The following ATP8B1 variants were observed in gnomAD, a reference collection of about 807,000 sequenced individuals.
ATP8B1 encodes phospholipid-transporting ATPase IC.
A neutral mutation model predicts 149.9 loss-of-function variants in ATP8B1; 80 were observed. The observed-to-expected ratio is 0.53, with a 90% CI of 0.45 to 0.64. The LOEUF (loss-of-function observed/expected upper bound fraction) is 0.64. Ranked by LOEUF, ATP8B1 falls within the 30% of genes least tolerant of loss-of-function variation. The pLI is 0.00. For synonymous variants in ATP8B1, 536 were observed against 562.8 expected (o/e 0.95, Z 0.67); for missense variants, 1,247 against 1,552.6 (o/e 0.80, Z 3.31).
chr18:57,778,037 C>A (rs1312491149), intron 1 of ATP8B1, among the ~76,000 whole-genome samples: 1 of 152,156 alleles, frequency 6.6e-6, no homozygotes. Flanking sequence ...GGTATCACAT[C>A]TTGACTTTCC....
chr18:57,686,919 C>T (rs1030472410), intron 13 of ATP8B1, among the ~76,000 whole-genome samples: 2 of 152,214 alleles, frequency 1.3e-5, no homozygotes, highest in Admixed American at 1.3e-4. Flanking sequence ...TCTTGGCTCA[C>T]TGTAGCCTTC....
intron 2 of ATP8B1, among the ~76,000 whole-genome samples, chr18:57,723,943 C>T (rs1197879584): frequency 6.8e-6 from 1 of 146,528 alleles, no homozygotes; most frequent in Non-Finnish European, 1.5e-5. Flanking sequence ...AGAAATAATG[C>T]CGCATACCTA....
intron 3 of ATP8B1, among the ~76,000 whole-genome samples, chr18:57,706,059 T>G (rs569513677): frequency 6.6e-6 from 1 of 152,298 alleles, no homozygotes; most frequent in Non-Finnish European, 1.5e-5. Context: ...TCTTTAAGCA[T>G]TCTTTATCAC....
chr18:57,780,544 T>C (rs2080347630), intron 1 of ATP8B1, among the ~76,000 whole-genome samples: 1 of 152,158 alleles, frequency 6.6e-6, no homozygotes, highest in South Asian at 2.1e-4. Context: ...AACAAGCTTC[T>C]TGAAAGATGG....
At chr18:57,672,978 C>T (rs376652442) in intron 16 of ATP8B1, among the ~76,000 whole-genome samples, 8,905 of 38,508 alleles carry the variant, frequency 0.23, 1,681 homozygotes, top group Middle Eastern at 0.35. Context: ...CATATATACA[C>T]ACATATATAA....
intron 2 of ATP8B1, among the ~76,000 whole-genome samples, chr18:57,718,840 ATCC>A (rs1329215989): frequency 1.3e-5 from 2 of 152,324 alleles, no homozygotes; most frequent in East Asian, 3.9e-4. Context: ...GATAAAAAAA[ATCC>A]TCAAAAAACT....
At chr18:57,687,693 C>G (rs1486773593) in intron 13 of ATP8B1, among the ~76,000 whole-genome samples, 3 of 151,254 alleles carry the variant, frequency 2.0e-5, no homozygotes, top group African/African-American at 7.3e-5. Flanking sequence ...GTACAAATAT[C>G]TCTTTGAGCC....
intron 1 of ATP8B1, among the ~76,000 whole-genome samples, chr18:57,774,269 G>T (rs759941931): frequency 5.3e-5 from 8 of 152,118 alleles, no homozygotes; most frequent in Non-Finnish European, 1.2e-4. Flanking sequence ...TCTTTACATT[G>T]TTGTCCATAG....
intron 1 of ATP8B1, among the ~76,000 whole-genome samples, chr18:57,791,854 T>A (rs2080467619): frequency 6.6e-6 from 1 of 152,216 alleles, no homozygotes; most frequent in South Asian, 2.1e-4. Context: ...ATCTCTTTTG[T>A]TCAATATTTT....
intron 3 of ATP8B1, among the ~76,000 whole-genome samples, 168 bp from the exon 4 acceptor site, chr18:57,704,836 C>A (rs968496261): frequency 6.6e-6 from 1 of 152,174 alleles, no homozygotes; most frequent in Non-Finnish European, 1.5e-5. Context: ...GCAATCCCAG[C>A]GCTTTGGGAG....
chr18:57,651,974 CA>C, intron 26 of ATP8B1, 59 bp downstream of exon 26: 1 of 1,571,196 alleles, frequency 6.4e-7, no homozygotes, highest in Non-Finnish European at 8.7e-7. Flanking sequence ...GAAGTTATGT[CA>C]AAATCTAAAC....
At chr18:57,703,744 T>C (rs1041594719) in intron 4 of ATP8B1, among the ~76,000 whole-genome samples, 6 of 152,164 alleles carry the variant, frequency 3.9e-5, no homozygotes, top group African/African-American at 9.7e-5. Flanking sequence ...GCTCTCTGGA[T>C]AACTGGATGC....
intron 15 of ATP8B1, among the ~76,000 whole-genome samples, chr18:57,682,906 ATG>A (rs912728463): frequency 7.2e-5 from 11 of 152,086 alleles, no homozygotes; most frequent in African/African-American, 2.7e-4. Flanking sequence ...TGGTGAGACT[ATG>A]GCTCACTGCA....
intron 1 of ATP8B1, among the ~76,000 whole-genome samples, chr18:57,777,451 TA>T (rs2080315118): frequency 6.6e-6 from 1 of 152,242 alleles, no homozygotes; most frequent in South Asian, 2.1e-4. Flanking sequence ...TATATGTTTG[TA>T]AACACAAAGA....
chr18:57,671,999 TAAAACCATCAGTTCCTCTAG>T (rs1197766082), intron 16 of ATP8B1, among the ~76,000 whole-genome samples: 3 of 152,356 alleles, frequency 2.0e-5, no homozygotes, highest in Non-Finnish European at 4.4e-5. Flanking sequence ...ACTGTTAGCT[TAAAACCATCAGTTCCTCTAG>T]AAAAGTGTTG....
chr18:57,769,801 A>T (rs1039632578), intron 1 of ATP8B1, among the ~76,000 whole-genome samples: 1 of 152,262 alleles, frequency 6.6e-6, no homozygotes, highest in Admixed American at 6.5e-5. Flanking sequence ...TTCTGATTTC[A>T]TAATGTATTA....
intron 1 of ATP8B1, among the ~76,000 whole-genome samples, chr18:57,783,311 A>G (rs1022158053): frequency 3.3e-5 from 5 of 152,214 alleles, no homozygotes; most frequent in African/African-American, 1.2e-4. Flanking sequence ...ATATATCTTT[A>G]TGTTTAACAA....
At chr18:57,762,278 A>G (rs1317594716) in intron 1 of ATP8B1, among the ~76,000 whole-genome samples, 2 of 151,872 alleles carry the variant, frequency 1.3e-5, no homozygotes, top group Non-Finnish European at 2.9e-5. Flanking sequence ...AACTGGGACT[A>G]CAGGTGCCCG....
chr18:57,750,812 G>T (rs571977298), intron 1 of ATP8B1, among the ~76,000 whole-genome samples: 13 of 152,286 alleles, frequency 8.5e-5, no homozygotes, highest in African/African-American at 3.1e-4. Context: ...TGTGTCACAT[G>T]AGTATTTAAA....
Sources: gnomAD v4.1 joint callset for allele counts (sites outside exome capture counted in the v4.1 genomes callset) on GRCh38, gnomAD v4.1.1 for gene constraint, MANE v1.5 for transcripts, NCBI Gene and HGNC (gene_info 2026-07-23, HGNC 2026-07-21) for gene names.